CIITA: variants seen among roughly 807,000 people sequenced by gnomAD.
The protein encoded by CIITA is class II major histocompatibility complex transactivator.
In CIITA, 72 loss-of-function variants were observed where a neutral mutation model predicts 115.1. The observed-to-expected ratio is 0.63, with a 90% CI of 0.52 to 0.76. The LOEUF (loss-of-function observed/expected upper bound fraction) is 0.76. Ranked by LOEUF, CIITA falls within the 30% of genes least tolerant of loss-of-function variation. The pLI, the probability that CIITA is intolerant of heterozygous loss-of-function variation, is 0.00. For missense variants in CIITA, 1,617 were observed against 1,463.8 expected (o/e 1.10, Z -1.71); for synonymous variants, 763 against 635.6 (o/e 1.20, Z -3.02).
At chr16:10,887,752 C>G (rs149959970) in intron 1 of CIITA, among the ~76,000 whole-genome samples, 287 of 152,316 alleles carry the variant, frequency 1.9e-3, no homozygotes, top group South Asian at 3.3e-3. Context: ...GCCTCGGCCT[C>G]TCAAAGTGCT....
chr16:10,868,798 ATTTC>A (rs2143188136), intron 1 of CIITA, among the ~76,000 whole-genome samples: 1 of 152,092 alleles, frequency 6.6e-6, no homozygotes, highest in African/African-American at 2.4e-5. Flanking sequence ...TAATATATTT[ATTTC>A]TGATCCCACG....
In CIITA at chr16:10,895,650, A is replaced by G. The variant is rs2038056390; in HGVS notation, c.200-19A>G. ...TTTCCAGAAATTTCCTTCTTCATCCAAGGGACTTTTCCTCCCAGAACCCGA... is the reference window on the plus strand; with the variant it reads ...TTTCCAGAAATTTCCTTCTTCATCCGAGGGACTTTTCCTCCCAGAACCCGA... On this transcript the variant is annotated intron_variant, in intron 2 of 19. Transcript: ENST00000324288. The G allele has an allele frequency of 3.1e-6, 5 of 1,613,906 alleles. No homozygotes were observed. The highest frequency in any genetic ancestry group is 1.7e-6 in the Non-Finnish European group (2 of 1,179,908).
rs984494067 is a variant in CIITA, at chr16:10,906,688, A to C, written c.1196A>C (p.Glu399Ala). Residue 399 changes from glutamate (E) to alanine (A), a missense_variant, in exon 11 of 20, where the codon GAG (glutamate) becomes GCG (alanine). Coordinates refer to ENST00000324288, the MANE Select transcript of CIITA (RefSeq NM_000246.4). The stretch of plus-strand genomic sequence containing the variant: ...CAGCTGGCCCAAGGAGGCCTGGCTG[A>C]GGTGCTGTTGGCTGCCAAGGAGCAC... The part of the protein sequence containing the change: ...ERQLAQGGLA[E>A]VLLAAKEHRR... 1 of 1,612,974 alleles carries C rather than the reference A, an allele frequency of 6.2e-7. No homozygotes were observed. Among genetic ancestry groups the C allele is most frequent in the African/African-American group, 1.3e-5 (1 of 74,926 alleles).
intron 1 of CIITA, among the ~76,000 whole-genome samples, chr16:10,880,194 A>G (rs1297262440): frequency 1.3e-5 from 2 of 152,088 alleles, no homozygotes; most frequent in Non-Finnish European, 2.9e-5. Context: ...GTCTTTGGAG[A>G]TGACTGAGTG....
At position 10,902,715 on chromosome 16, in the gene CIITA, T is replaced by A. The variant is rs758710934; in HGVS notation, c.686T>A (p.Phe229Tyr). The change falls in exon 8 of 20, where the codon TTT becomes TAT. Residue 229 changes from phenylalanine to tyrosine, a missense_variant. Physicochemically the swap from Phe to Tyr is conservative, Grantham distance 22. Coordinates refer to ENST00000324288, the MANE Select transcript of CIITA (RefSeq NM_000246.4). ...CLNLPEGPIQFVPTISTLPHG... is the reference protein window; with the variant it reads ...CLNLPEGPIQYVPTISTLPHG... ...AATCTCCCTGAGGGACCCATCCAGTTTGTCCCCACCATCTCCACTCTGCCC... is the reference window on the plus strand; with the variant it reads ...AATCTCCCTGAGGGACCCATCCAGTATGTCCCCACCATCTCCACTCTGCCC... 1.2e-6 allele frequency: 2 copies of A among 1,614,210 alleles called. No individual in the cohort carries two copies. Among genetic ancestry groups the A allele is most frequent in the South Asian group, 2.2e-5 (2 of 91,088 alleles).
intron 18 of CIITA, chr16:10,922,942 G>T (rs2040354658): frequency 1.9e-6 from 1 of 538,212 alleles, no homozygotes; most frequent in Middle Eastern, 5.0e-4. Context: ...AGACGCACAG[G>T]GTGGGTCTTA....
chr16:10,919,316 T>C (rs1011605599), intron 16 of CIITA, among the ~76,000 whole-genome samples: 3 of 152,106 alleles, frequency 2.0e-5, no homozygotes, highest in African/African-American at 7.2e-5. Context: ...CCTGCCTCAG[T>C]GCTCCGAGTA....
rs767768296 is a variant in CIITA, at chr16:10,903,806, G to C, written c.848G>C (p.Arg283Pro). 1.2e-6 allele frequency: 2 copies of C among 1,614,106 alleles called. No individual in the cohort carries two copies. The highest frequency in any genetic ancestry group is 2.2e-5 in the East Asian group (1 of 44,880). ...CACGGCCTCCCAACATCTCCAGACC[G>C]GCCAGGCTCCACCAGCCCCTTCGCT... is the stretch of plus-strand genomic sequence containing the variant. ...TVHGLPTSPDRPGSTSPFAPS... is the reference protein window; with the variant it reads ...TVHGLPTSPDPPGSTSPFAPS... Residue 283 changes from arginine (R) to proline (P), a missense_variant, in exon 9 of 20, where the codon CGG becomes CCG. Physicochemically the swap from Arg to Pro is moderately radical, Grantham distance 103. Coordinates refer to ENST00000324288, the MANE Select transcript of CIITA (RefSeq NM_000246.4).
Position 10,916,397 on chromosome 16 carries a change from G to A in CIITA, c.3000G>A (p.Gly1000=), listed in dbSNP as rs200212249. Residue 1000 remains glycine, a synonymous_variant, in exon 15 of 20, where the codon GGG becomes GGA. Transcript: ENST00000324288. ...DLDALSENKI[G]DEGVSQLSAT... ...ATGCGCTGAGTGAGAACAAGATCGG[G>A]GACGAGGGTGTCTCGCAGCTCTCAG... 7 of 1,613,926 alleles carry A rather than the reference G, an allele frequency of 4.3e-6. No individual in the cohort carries two copies. The African/African-American group carries it at 5.3e-5, about 12-fold the overall frequency.
rs976475170 is a variant in CIITA, at chr16:10,901,862, G to C, written c.482-176G>C. On this transcript the variant is annotated intron_variant, in intron 6 of 19. Transcript: ENST00000324288. This position sits in a 1 kb window ranked among gnomAD's most constrained non-coding sequence, Gnocchi z 6.8. ...TCTCAGAGCCAAGTCACAAGGAGAG[G>C]ACTGGGGGACTGCCTGGCACAGAGC... 8 of 918,464 alleles carry C rather than the reference G, an allele frequency of 8.7e-6. No individual in the cohort carries two copies. Among genetic ancestry groups the C allele is most frequent in the Admixed American group, 7.3e-5 (4 of 54,794 alleles). The allele number at this position is 918,464 out of a possible 1,614,324, so 56.9% of individuals were successfully genotyped here.
chr16:10,866,257 G>T (rs774668420), upstream of CIITA: 2 of 537,518 alleles, frequency 3.7e-6, no homozygotes, highest in South Asian at 3.0e-5. Context: ...CCAGGCACTG[G>T]CCAGGGCAGC....
chr16:10,877,905 G>A (rs190981356), intron 1 of CIITA, among the ~76,000 whole-genome samples: 5 of 152,172 alleles, frequency 3.3e-5, no homozygotes, highest in East Asian at 1.9e-4. Flanking sequence ...GTCAGGGGAC[G>A]GGGGAACAGA....
At position 10,877,856 on chromosome 16, in the gene CIITA, G is replaced by A. The variant is rs144484785; in HGVS notation, c.52+474G>A. On this transcript the variant is annotated intron_variant, in intron 1 of 19. Transcript: ENST00000324288. The stretch of plus-strand genomic sequence containing the variant: ...CAGCTGGGGAGAGCTGGCGGATGCT[G>A]CCCTCCCCCCAGTTTCCTAATGGTG... 2.8e-3 allele frequency among the ~76,000 whole-genome samples: 429 copies of A among 152,292 alleles called. 2 individuals are homozygous for A. The highest frequency in any genetic ancestry group is 9.4e-3 in the African/African-American group (390 of 41,560).
downstream of CIITA, chr16:10,940,222 A>G (rs189007001): frequency 6.6e-6 from 1 of 152,184 alleles, no homozygotes; most frequent in Non-Finnish European, 1.5e-5. The surrounding 1 kb of genome is among the most constrained non-coding windows in gnomAD (Gnocchi z 4.2). Flanking sequence ...TCTGATCCCA[A>G]ATGATGGTAT....
chr16:10,895,406 A>G lies in CIITA; in HGVS notation c.177A>G (p.Glu59=), dbSNP rs2038022994. 6.2e-7 allele frequency: 1 copy of G among 1,613,894 alleles called. No homozygotes were observed. Among genetic ancestry groups the G allele is most frequent in the Non-Finnish European group, 8.5e-7 (1 of 1,180,040 alleles). ...HFYDQMDLAG[E]EEIELYSEPD... Reference sequence around the variant, plus strand: ...ATGACCAGATGGACCTGGCTGGAGAAGAAGAGATTGAGCTCTACTCAGGTG... The same window carrying G: ...ATGACCAGATGGACCTGGCTGGAGAGGAAGAGATTGAGCTCTACTCAGGTG... The change falls in exon 2 of 20, where the codon GAA becomes GAG. Residue 59 remains glutamate (E), a synonymous_variant. Coordinates refer to ENST00000324288, the MANE Select transcript of CIITA (RefSeq NM_000246.4).
chr16:10,866,233 G>T, upstream of CIITA: 2 of 486,200 alleles, frequency 4.1e-6, no homozygotes, highest in Non-Finnish European at 4.0e-6. Flanking sequence ...CTGCATGCTG[G>T]GTGAGCGGAG....
Position 10,899,007 on chromosome 16 carries a change from G to C in CIITA, c.436+5G>C. 1 of 1,614,010 alleles carries C rather than the reference G, an allele frequency of 6.2e-7. No homozygotes were observed. Among genetic ancestry groups the C allele is most frequent in the Non-Finnish European group, 8.5e-7 (1 of 1,179,918 alleles). On this transcript the variant is annotated splice_donor_5th_base_variant and intron_variant, in intron 5 of 19. Coordinates refer to ENST00000324288, the MANE Select transcript of CIITA (RefSeq NM_000246.4). The stretch of plus-strand genomic sequence containing the variant: ...GGCAGAAAAGTCAGAAAAGACGTGA[G>C]TGAGCCCCTCCCTGATCCAACCTAG...
chr16:10,867,538 A>G (rs2143154587), intron 1 of CIITA, among the ~76,000 whole-genome samples: 1 of 152,046 alleles, frequency 6.6e-6, no homozygotes, highest in East Asian at 1.9e-4. Context: ...AGAAAAAGGG[A>G]GAAGGTGGGG....
chr16:10,872,364 C>T (rs1229677488), upstream of CIITA, among the ~76,000 whole-genome samples: 1 of 152,186 alleles, frequency 6.6e-6, no homozygotes, highest in Admixed American at 6.5e-5. Context: ...CTCAAGCAAT[C>T]CACCCATCTC....
Sources: allele counts gnomAD v4.1 joint callset (sites outside exome capture counted in the v4.1 genomes callset), GRCh38; gene constraint gnomAD v4.1.1; non-coding constraint Gnocchi (gnomAD v3.1); transcripts MANE v1.5; gene names NCBI Gene and HGNC (gene_info 2026-07-23, HGNC 2026-07-21).